The following MYH6 variants were observed in gnomAD, a reference collection of about 807,000 sequenced individuals.
MYH6 encodes myosin heavy chain 6.
A neutral mutation model predicts 223.2 loss-of-function variants in MYH6; 126 were observed. The ratio of observed to expected loss-of-function variants is 0.56; its 90% CI spans 0.49 to 0.65. The LOEUF (loss-of-function observed/expected upper bound fraction) is 0.65, where lower values mean the gene tolerates loss of function less well. MYH6 is among the 30% of genes least tolerant of loss of function. The pLI is 0.00. For missense variants in MYH6, 2,040 were observed against 2,536.4 expected (o/e 0.80, Z 4.20); for synonymous variants, 978 against 1,010.2 (o/e 0.97, Z 0.61).
chr14:23,384,806 C>G, intron 35 of MYH6, 89 bp from the exon 36 acceptor site: 1 of 1,613,436 alleles, frequency 6.2e-7, no homozygotes, highest in Non-Finnish European at 8.5e-7. Flanking sequence ...ATCAGGCCCT[C>G]AAATCCACAG....
At chr14:23,403,623 A>G in intron 9 of MYH6, 92 bp downstream of exon 9, 1 of 1,297,674 alleles carries the variant, frequency 7.7e-7, no homozygotes. Context: ...CAGACAAAAC[A>G]GGAGATGGCA....
At chr14:23,406,046 C>A (rs1232697860) in intron 3 of MYH6, among the ~76,000 whole-genome samples, 1 of 152,190 alleles carries the variant, frequency 6.6e-6, no homozygotes, top group Non-Finnish European at 1.5e-5. Flanking sequence ...ATGACCATCA[C>A]TCTTCAGTCC....
Position 23,407,527 on chromosome 14 carries a change from A to G in MYH6, c.-14+49T>C. On this transcript the variant is annotated intron_variant, in intron 2 of 38. Coordinates refer to ENST00000405093, the MANE Select transcript of MYH6 (RefSeq NM_002471.4). This position sits in a 1 kb window ranked among gnomAD's most constrained non-coding sequence, Gnocchi z 5.6. ...CCCCTGGTCCAGCAATCCGGCTCCCAGGAGAAGCATGCCCCAGTCTCTGCA... is the reference window on the plus strand; with the variant it reads ...CCCCTGGTCCAGCAATCCGGCTCCCGGGAGAAGCATGCCCCAGTCTCTGCA... 7.7e-7 allele frequency: 1 copy of G among 1,300,636 alleles called. No individual in the cohort carries two copies. The highest frequency in any genetic ancestry group is 3.1e-4 in the Middle Eastern group (1 of 3,246). 80.6% of individuals were successfully genotyped at this position (1,300,636 alleles called of 1,614,324 possible). A position where few individuals can be genotyped will look rare whatever the true frequency, so the allele number is the denominator to read the frequency against.
At chr14:23,385,681 C>T (rs897210265) in intron 34 of MYH6, among the ~76,000 whole-genome samples, 4 of 152,110 alleles carry the variant, frequency 2.6e-5, no homozygotes, top group African/African-American at 9.7e-5. Flanking sequence ...TAACAGGATA[C>T]ATTCCACTAC....
chr14:23,399,983 G>A lies in MYH6; in HGVS notation c.1581+273C>T, dbSNP rs150097772. 2.8e-3 allele frequency: 1,433 copies of A among 513,390 alleles called. 23 individuals carry two copies. Among genetic ancestry groups the A allele is most frequent in the African/African-American group, 0.024 (1,274 of 52,118 alleles). The allele number at this position is 513,390 out of a possible 1,614,324, so 31.8% of individuals were successfully genotyped here. A position where few individuals can be genotyped will look rare whatever the true frequency, so the allele number is the denominator to read the frequency against. On this transcript the variant is annotated intron_variant, in intron 14 of 38. Coordinates refer to ENST00000405093, the MANE Select transcript of MYH6 (RefSeq NM_002471.4). ...TCCATGAATGACGCTTCTCATGGGC[G>A]GTCAGAGGGGCCAGGGGCCTCTCCT...
In MYH6 at chr14:23,400,433, G is replaced by A. The variant is rs755935566; in HGVS notation, c.1411-7C>T. The A allele has an allele frequency of 5.6e-6, 9 of 1,613,978 alleles. No individual in the cohort carries two copies. In the Admixed American group the frequency reaches 1.3e-4, roughly 24 times the overall value. On this transcript the variant is annotated splice_region_variant and splice_polypyrimidine_tract_variant and intron_variant, in intron 13 of 38. Transcript: ENST00000405093. ...GCTGCTCAAAGCTGTTGAACTGCAGGGGGCATGAGGGGTGGGAGCAGTCAG... is the reference window on the plus strand; with the variant it reads ...GCTGCTCAAAGCTGTTGAACTGCAGAGGGCATGAGGGGTGGGAGCAGTCAG...
At chr14:23,401,475 C>A (rs1383432311) in intron 12 of MYH6, among the ~76,000 whole-genome samples, 1 of 152,270 alleles carries the variant, frequency 6.6e-6, no homozygotes, top group Non-Finnish European at 1.5e-5. Context: ...GGCTGGAGCA[C>A]AGCCCCCTTA....
At chr14:23,385,193 C>A in intron 34 of MYH6, 152 bp from the exon 35 acceptor site, 1 of 935,690 alleles carries the variant, frequency 1.1e-6, no homozygotes, top group South Asian at 1.5e-5. Flanking sequence ...CCTGCTTTCC[C>A]TTTTCCTATG....
At chr14:23,388,512 G>A (rs1419868093) in intron 29 of MYH6, 174 bp from the exon 30 acceptor site, 2 of 1,093,884 alleles carry the variant, frequency 1.8e-6, no homozygotes, top group African/African-American at 1.5e-5. Context: ...GGCTGCCCAG[G>A]CGTCCTCCCT....
At position 23,382,030 on chromosome 14, in the gene MYH6, C is replaced by T. The variant is rs367876508; in HGVS notation, c.*10G>A. 19 of 1,614,010 alleles carry T rather than the reference C, an allele frequency of 1.2e-5. No homozygotes were observed. Among genetic ancestry groups the T allele is most frequent in the Admixed American group, 5.0e-5 (3 of 59,992 alleles). ...TACAGGTTGGCAAGAGTGAGGTTCC[C>T]GAGGCAGTGTCACTCCTCATCGTGC... is the stretch of plus-strand genomic sequence containing the variant. On this transcript the variant is annotated 3_prime_UTR_variant, in exon 39 of 39. Transcript: ENST00000405093.
intron 23 of MYH6, 38 bp from the exon 24 acceptor site, chr14:23,393,095 A>C: frequency 6.2e-7 from 1 of 1,613,662 alleles, no homozygotes; most frequent in South Asian, 1.1e-5. Context: ...TGTGGAAAAC[A>C]TGAAATCCAT....
intron 29 of MYH6, 96 bp from the exon 30 acceptor site, chr14:23,388,434 G>A: frequency 6.4e-7 from 1 of 1,556,648 alleles, no homozygotes; most frequent in East Asian, 2.3e-5. Flanking sequence ...ATATCTCCTT[G>A]AGACACCGTA....
At position 23,384,945 on chromosome 14, in the gene MYH6, C is replaced by G. The variant is rs372270600; in HGVS notation, c.5260G>C (p.Glu1754Gln). Residue 1754 changes from glutamate (E) to glutamine (Q), a missense_variant, in exon 35 of 39, where the codon GAG (glutamate) becomes CAG (glutamine). Glu to Gln is a conservative substitution (Grantham distance 29). Around this residue, in one of 4 missense-constraint regions of MYH6, gnomAD observed 1,203 missense variants for 1,400.2 expected, o/e 0.86. Transcript: ENST00000405093. ...EEAVQECRNA[E>Q]EKAKKAITDA... is the part of the protein sequence containing the mutation. The stretch of plus-strand genomic sequence containing the variant: ...GTGATGGCCTTCTTGGCCTTCTCCT[C>G]GGCGTTTCTGCACTCCTGCACTGCC... The G allele has an allele frequency of 6.8e-6, 11 of 1,614,194 alleles. No homozygotes were observed. The Middle Eastern group carries it at 5.0e-4, about 73-fold the overall frequency.
chr14:23,388,434 G>C (rs775151778), intron 29 of MYH6, 96 bp from the exon 30 acceptor site: 6 of 1,556,648 alleles, frequency 3.9e-6, no homozygotes, highest in Non-Finnish European at 5.3e-6. Context: ...ATATCTCCTT[G>C]AGACACCGTA....
chr14:23,405,313 C>G lies in MYH6; in HGVS notation c.412G>C (p.Val138Leu), dbSNP rs942136886. ...YKWLPVYNAE[V>L]VAAYRGKKRS... ...TTCTTGCCCCGGTAGGCGGCCACCACCTCGGCATTGTACACCGGCAGCCAC... is the reference window on the plus strand; with the variant it reads ...TTCTTGCCCCGGTAGGCGGCCACCAGCTCGGCATTGTACACCGGCAGCCAC... The change falls in exon 5 of 39, where the codon GTG becomes CTG. Residue 138 changes from valine (V) to leucine (L), a missense_variant. Coordinates refer to ENST00000405093, the MANE Select transcript of MYH6 (RefSeq NM_002471.4). The surrounding 1 kb of genome is among the most constrained non-coding windows in gnomAD (Gnocchi z 4.7). 1.2e-6 allele frequency: 2 copies of G among 1,614,162 alleles called. No homozygotes were observed. The highest frequency in any genetic ancestry group is 2.2e-5 in the East Asian group (1 of 44,884).
At chr14:23,392,714 C>CT in intron 24 of MYH6, 62 bp from the exon 25 acceptor site, 2 of 1,480,194 alleles carry the variant, frequency 1.4e-6, no homozygotes, top group Non-Finnish European at 1.9e-6. Flanking sequence ...GGGGCTCATT[C>CT]TCTTCTTGGC....
chr14:23,387,828 C>A lies in MYH6; in HGVS notation c.4455G>T (p.Lys1485Asn). 6.2e-7 allele frequency: 1 copy of A among 1,614,112 alleles called. No homozygotes were observed. Among genetic ancestry groups the A allele is most frequent in the South Asian group, 1.1e-5 (1 of 91,084 alleles). ...GGGACTCCTCGTAGGCGTTCTTGAG[C>A]TTGAAGAGCTCTGTGCTGAGGGAGC... is the stretch of plus-strand genomic sequence containing the variant. Reference protein sequence around the residue: ...EARSLSTELFKLKNAYEESLE... With the variant: ...EARSLSTELFNLKNAYEESLE... Residue 1485 changes from lysine (K) to asparagine (N), a missense_variant, in exon 31 of 39, where the codon AAG becomes AAT. By Grantham distance (94) the Lys-to-Asn change is moderately conservative (BLOSUM62 0). Transcript: ENST00000405093.
In MYH6 at chr14:23,390,306, C is replaced by T; in HGVS notation, c.3483G>A (p.Val1161=). ...CGCGCTTCTTGTTCATCTCGATCTGCACGGACGTGGCCCCGCCGGCCTCTT... is the reference window on the plus strand; with the variant it reads ...CGCGCTTCTTGTTCATCTCGATCTGTACGGACGTGGCCCCGCCGGCCTCTT... The part of the protein sequence containing the change: ...RLEEAGGATS[V]QIEMNKKREA... Residue 1161 remains valine, a synonymous_variant, in exon 26 of 39, where the codon GTG becomes GTA. Coordinates refer to ENST00000405093, the MANE Select transcript of MYH6 (RefSeq NM_002471.4). The T allele has an allele frequency of 6.2e-7, 1 of 1,606,442 alleles. No individual in the cohort carries two copies. Among genetic ancestry groups the T allele is most frequent in the South Asian group, 1.1e-5 (1 of 90,740 alleles).
intron 12 of MYH6, among the ~76,000 whole-genome samples, chr14:23,401,182 T>C (rs1891590039): frequency 6.6e-6 from 1 of 152,134 alleles, no homozygotes; most frequent in African/African-American, 2.4e-5. Context: ...AATTTTTGTA[T>C]CTGTAGTAGA....
Sources: allele counts gnomAD v4.1 joint callset (sites outside exome capture counted in the v4.1 genomes callset), GRCh38; gene constraint gnomAD v4.1.1; regional missense constraint gnomAD v4.1.1; non-coding constraint Gnocchi (gnomAD v3.1); transcripts MANE v1.5; gene names NCBI Gene and HGNC (gene_info 2026-07-23, HGNC 2026-07-21).